EPG5: variants seen among roughly 807,000 people sequenced by gnomAD.
The protein encoded by EPG5 is ectopic P-granules 5 autophagy tethering factor, also known as ectopic P granules protein 5 homolog.
A neutral mutation model predicts 302.7 loss-of-function variants in EPG5; 159 were observed. That is an observed-to-expected ratio of 0.53 (90% CI 0.46 to 0.60). EPG5 has a LOEUF of 0.60. Ranked by LOEUF, EPG5 falls within the 20% of genes least tolerant of loss-of-function variation. The probability of loss-of-function intolerance (pLI) is 0.00; values close to 1 mark genes in which losing one functional copy is unlikely to be tolerated. For synonymous variants in EPG5, 1,158 were observed against 1,136.8 expected (o/e 1.02, Z -0.37); for missense variants, 2,896 against 3,092.4 (o/e 0.94, Z 1.51).
At chr18:45,802,586 C>T in the EPG5 span, among the ~76,000 whole-genome samples, 1 of 152,148 alleles carries the variant, frequency 6.6e-6, no homozygotes, top group Admixed American at 6.5e-5. Context: ...CAACCCCACC[C>T]CAGTGCCCAG....
intron 36 of EPG5, among the ~76,000 whole-genome samples, chr18:45,869,353 T>C (rs558155235): frequency 1.4e-3 from 207 of 152,288 alleles, no homozygotes; most frequent in African/African-American, 4.8e-3. Context: ...CTGTTCTCTA[T>C]CCTCATCCTC....
the EPG5 span, among the ~76,000 whole-genome samples, chr18:45,816,437 AAAAC>A: frequency 2.0e-5 from 3 of 152,208 alleles, no homozygotes; most frequent in Non-Finnish European, 2.9e-5. Flanking sequence ...CAGCAAGAAA[AAAAC>A]AAACAATCCC....
At chr18:45,876,425 T>A in intron 34 of EPG5, 83 bp from the exon 35 acceptor site, 1 of 1,119,058 alleles carries the variant, frequency 8.9e-7, no homozygotes, top group African/African-American at 1.5e-5. Flanking sequence ...CTGGCCTAAG[T>A]CCTGGAAGCC....
chr18:45,955,056 T>A lies in EPG5; in HGVS notation c.346A>T (p.Ser116Cys). The A allele has an allele frequency of 6.2e-7, 1 of 1,614,202 alleles. No homozygotes were observed. The highest frequency in any genetic ancestry group is 1.1e-5 in the South Asian group (1 of 91,086). ...GGGTGGACCTTTGGAGTGACTGCAC[T>A]GTCCCCCACACAGGGTCTGGCCTCT... Reference protein sequence around the residue: ...GGEARPCVGDSAVTPKVHPGD... With the variant: ...GGEARPCVGDCAVTPKVHPGD... Residue 116 changes from serine to cysteine, a missense_variant, in exon 2 of 44, where the codon AGT (serine) becomes TGT (cysteine). Coordinates refer to ENST00000282041, the MANE Select transcript of EPG5 (RefSeq NM_020964.3).
chr18:45,943,154 G>GTAT lies in EPG5; in HGVS notation c.1943+4_1943+6dup, dbSNP rs992878587. ...AACAGAGAAGGGTAGAGCAACAGCA[G>GTAT]TATTACCTGATCATATAACCAATTC... is the stretch of plus-strand genomic sequence containing the variant. On this transcript the variant is annotated splice_region_variant and intron_variant, in intron 9 of 43. Transcript: ENST00000282041. The GTAT allele has an allele frequency of 1.9e-6, 3 of 1,613,792 alleles. No individual in the cohort carries two copies. Among genetic ancestry groups the GTAT allele is most frequent in the Non-Finnish European group, 2.5e-6 (3 of 1,179,856 alleles).
Position 45,943,423 on chromosome 18 carries a change from T to G in EPG5, c.1793-112A>C. On this transcript the variant is annotated intron_variant, in intron 8 of 43. Coordinates refer to ENST00000282041, the MANE Select transcript of EPG5 (RefSeq NM_020964.3). ...ACTCAAAGCCAAGGTGGAGAAGAAC[T>G]GACAGTCTCATTACTCTGGCTCCCA... 6 of 859,882 alleles carry G rather than the reference T, an allele frequency of 7.0e-6. No individual in the cohort carries two copies. In the South Asian group the frequency reaches 1.0e-4, roughly 15 times the overall value. The allele number at this position is 859,882 out of a possible 1,614,324, so 53.3% of individuals were successfully genotyped here. A position where few individuals can be genotyped will look rare whatever the true frequency, so the allele number is the denominator to read the frequency against.
intron 1 of EPG5, among the ~76,000 whole-genome samples, chr18:45,965,882 C>A (rs2051238672): frequency 6.6e-6 from 1 of 151,274 alleles, no homozygotes; most frequent in Non-Finnish European, 1.5e-5. Flanking sequence ...GGAGAAACCC[C>A]GTCTCTACTA....
chr18:45,951,699 T>C (rs1181910254), intron 3 of EPG5, among the ~76,000 whole-genome samples: 3 of 152,126 alleles, frequency 2.0e-5, no homozygotes, highest in Admixed American at 6.5e-5. Context: ...CCTCAAGTGA[T>C]CCACCCACCT....
At position 45,870,854 on chromosome 18, in the gene EPG5, A is replaced by C. The variant is rs1213598531; in HGVS notation, c.6050-112T>G. Reference sequence around the variant, plus strand: ...AATCTAAGGTTCTCATGATTGACCCAATTTCAAAGATTTTCATGTAGGGAG... The same window carrying C: ...AATCTAAGGTTCTCATGATTGACCCCATTTCAAAGATTTTCATGTAGGGAG... On this transcript the variant is annotated intron_variant, in intron 35 of 43. Coordinates refer to ENST00000282041, the MANE Select transcript of EPG5 (RefSeq NM_020964.3). 5 of 859,832 alleles carry C rather than the reference A, an allele frequency of 5.8e-6. No homozygotes were observed. The East Asian group carries it at 1.3e-4, about 23-fold the overall frequency. 53.3% of individuals were successfully genotyped at this position (859,832 alleles called of 1,614,324 possible).
chr18:45,842,456 AG>A, the EPG5 span: 261 of 475,442 alleles, frequency 5.5e-4, 4 homozygotes, highest in East Asian at 9.0e-3. Context: ...AGAGAGAGAG[AG>A]AGAGTACACG....
chr18:45,941,756 T>A (rs2145896071), intron 9 of EPG5, among the ~76,000 whole-genome samples: 1 of 152,288 alleles, frequency 6.6e-6, no homozygotes, highest in East Asian at 1.9e-4. Flanking sequence ...CAAATTTTAT[T>A]TATGGTCTTA....
chr18:45,828,446 C>G, the EPG5 span, among the ~76,000 whole-genome samples: 1 of 152,228 alleles, frequency 6.6e-6, no homozygotes, highest in East Asian at 1.9e-4. Flanking sequence ...TGCCAGGGAA[C>G]GTGGGGCAGG....
At chr18:45,831,159 C>T in the EPG5 span, among the ~76,000 whole-genome samples, 464 of 152,252 alleles carry the variant, frequency 3.0e-3, 1 homozygote, top group African/African-American at 0.01. Flanking sequence ...ATGCCTCTTG[C>T]GGCAGTGAAC....
the EPG5 span, among the ~76,000 whole-genome samples, chr18:45,821,365 T>C: frequency 6.6e-6 from 1 of 152,246 alleles, no homozygotes; most frequent in Non-Finnish European, 1.5e-5. Flanking sequence ...TGTGGAATTA[T>C]TTTAAAATCA....
At chr18:45,847,045 G>C (rs148959038), downstream of EPG5, among the ~76,000 whole-genome samples, 2 of 152,264 alleles carry the variant, frequency 1.3e-5, no homozygotes, top group African/African-American at 4.8e-5. Flanking sequence ...GGTTCCATCT[G>C]GTTTAAAAAG....
At chr18:45,962,346 T>A (rs1331274897) in intron 1 of EPG5, among the ~76,000 whole-genome samples, 1 of 152,230 alleles carries the variant, frequency 6.6e-6, no homozygotes, top group Non-Finnish European at 1.5e-5. Context: ...AATTACCAGA[T>A]GTTCTCACTA....
chr18:45,947,393 AAGAG>A (rs955323531), intron 6 of EPG5, among the ~76,000 whole-genome samples: 40 of 152,224 alleles, frequency 2.6e-4, no homozygotes, highest in African/African-American at 9.6e-4. Context: ...AGCCTAGCGA[AAGAG>A]AGAGACTCCC....
In EPG5 at chr18:45,882,336, G is replaced by A; in HGVS notation, c.5456C>T (p.Thr1819Ile). 6.2e-7 allele frequency: 1 copy of A among 1,614,182 alleles called. No individual in the cohort carries two copies. Among genetic ancestry groups the A allele is most frequent in the Non-Finnish European group, 8.5e-7 (1 of 1,180,026 alleles). Residue 1819 changes from threonine (T) to isoleucine (I), a missense_variant, in exon 31 of 44, where the codon ACT becomes ATT. By Grantham distance (89) the Thr-to-Ile change is moderately conservative. This residue lies in a region of EPG5 where 790 missense variants were observed against 798.0 expected (regional missense o/e 0.99). Coordinates refer to ENST00000282041, the MANE Select transcript of EPG5 (RefSeq NM_020964.3). ...AGGAAACTGGTAGAGAAGAAGATAAGTCCAGTGCTTACAGAAAAGATTAAA... is the reference window on the plus strand; with the variant it reads ...AGGAAACTGGTAGAGAAGAAGATAAATCCAGTGCTTACAGAAAAGATTAAA... ...MPFNLFCKHW[T>I]YLLLYQFPDQ...
At chr18:45,845,357 C>G (rs2048355137), downstream of EPG5, among the ~76,000 whole-genome samples, 1 of 152,192 alleles carries the variant, frequency 6.6e-6, no homozygotes, top group Non-Finnish European at 1.5e-5. Flanking sequence ...CCCCCTTTAA[C>G]AACGGCACAC....
Sources: gnomAD v4.1 joint callset for allele counts (sites outside exome capture counted in the v4.1 genomes callset) on GRCh38, gnomAD v4.1.1 for gene constraint, gnomAD v4.1.1 regional missense constraint, MANE v1.5 for transcripts, NCBI Gene and HGNC (gene_info 2026-07-23, HGNC 2026-07-21) for gene names.